The following SVEP1 variants were observed in gnomAD, a reference collection of about 807,000 sequenced individuals.
The protein encoded by SVEP1 is sushi, von Willebrand factor type A, EGF and pentraxin domain-containing protein 1.
A neutral mutation model predicts 367.3 loss-of-function variants in SVEP1; 164 were observed. That is an observed-to-expected ratio of 0.45 (90% CI 0.39 to 0.51). The LOEUF (loss-of-function observed/expected upper bound fraction) is 0.51. Among genes scored for constraint, SVEP1 ranks in the 20% least tolerant of loss-of-function variants. The pLI is 0.00. For synonymous variants in SVEP1, 1,666 were observed against 1,611.6 expected, an observed-to-expected ratio of 1.03 and a Z score of -0.81; for missense variants, 4,117 against 4,425.3, an observed-to-expected ratio of 0.93 and a Z score of 1.98.
intron 1 of SVEP1, among the ~76,000 whole-genome samples, chr9:110,563,245 C>T (rs986553954): frequency 1.3e-4 from 20 of 151,998 alleles, no homozygotes; most frequent in African/African-American, 4.1e-4. Context: ...ATTTTCATTA[C>T]GCAACTTTAA....
At chr9:110,367,535 G>GTTTA (rs1329247881) in intron 47 of SVEP1, among the ~76,000 whole-genome samples, 1 of 152,116 alleles carries the variant, frequency 6.6e-6, no homozygotes, top group Non-Finnish European at 1.5e-5. Context: ...AACATTTATT[G>GTTTA]TTTATTTCTC....
At chr9:110,540,297 C>T (rs1166562490) in intron 3 of SVEP1, among the ~76,000 whole-genome samples, 1 of 151,988 alleles carries the variant, frequency 6.6e-6, no homozygotes, top group African/African-American at 2.4e-5. Context: ...CAATACTGTT[C>T]CCTTAGCTGA....
chr9:110,552,368 G>A (rs1830301018), intron 1 of SVEP1, among the ~76,000 whole-genome samples: 1 of 152,070 alleles, frequency 6.6e-6, no homozygotes, highest in Non-Finnish European at 1.5e-5. Context: ...CAAACTTTTT[G>A]GCACCTGGGA....
chr9:110,403,008 C>T (rs926842025), intron 39 of SVEP1, among the ~76,000 whole-genome samples: 3 of 151,984 alleles, frequency 2.0e-5, no homozygotes, highest in African/African-American at 7.3e-5. Flanking sequence ...TTAATCCTTT[C>T]AATTATCACA....
chr9:110,406,118 T>A lies in SVEP1; in HGVS notation c.9440+42A>T, dbSNP rs41278433. On this transcript the variant is annotated intron_variant, in intron 38 of 47. Transcript: ENST00000374469. The stretch of plus-strand genomic sequence containing the variant: ...TGATCGATCACATTTCATTTCATAA[T>A]CCTGCCCGCACCCCTTGGAGACCCT... 3.5e-3 allele frequency: 5,249 copies of A among 1,511,470 alleles called. 17 individuals are homozygous for A. Among genetic ancestry groups the A allele is most frequent in the Non-Finnish European group, 4.2e-3 (4,712 of 1,131,664 alleles). The allele number at this position is 1,511,470 out of a possible 1,614,324, so 93.6% of individuals were successfully genotyped here.
chr9:110,430,292 G>T lies in SVEP1; in HGVS notation c.5512C>A (p.Leu1838Ile). ...TCLESGEWNH[L>I]IPYCKAVSCG... is the part of the protein sequence containing the mutation. ...AACATACCTTTACAATATGGTATTA[G>T]ATGATTCCATTCTCCAGACTCCAAA... Residue 1838 changes from leucine (L) to isoleucine (I), a missense_variant, in exon 33 of 48, where the codon CTA becomes ATA. This residue lies in a region of SVEP1 where 2,174 missense variants were observed against 2,494.3 expected (regional missense o/e 0.87). Coordinates refer to ENST00000374469, the MANE Select transcript of SVEP1 (RefSeq NM_153366.4). The T allele has an allele frequency of 6.2e-7, 1 of 1,612,700 alleles. No individual in the cohort carries two copies. The highest frequency in any genetic ancestry group is 1.3e-5 in the African/African-American group (1 of 74,998).
At chr9:110,473,712 T>C (rs534614441) in intron 14 of SVEP1, among the ~76,000 whole-genome samples, 28 of 152,292 alleles carry the variant, frequency 1.8e-4, no homozygotes, top group Admixed American at 3.3e-4. Context: ...GGTTAGAAGA[T>C]ACATCCCAAT....
At chr9:110,409,653 T>A (rs911275143) in intron 37 of SVEP1, among the ~76,000 whole-genome samples, 1 of 152,334 alleles carries the variant, frequency 6.6e-6, no homozygotes, top group South Asian at 2.1e-4. Flanking sequence ...TATTTGTTAA[T>A]GTTGTTAGAT....
At position 110,375,378 on chromosome 9, in the gene SVEP1, G is replaced by C. The variant is rs1303242913; in HGVS notation, c.10590C>G (p.Arg3530=). 1.2e-5 allele frequency: 18 copies of C among 1,530,534 alleles called. No homozygotes were observed. The highest frequency in any genetic ancestry group is 1.6e-5 in the Non-Finnish European group (18 of 1,135,316). The allele number at this position is 1,530,534 out of a possible 1,614,324, so 94.8% of individuals were successfully genotyped here. The change falls in exon 46 of 48, where the codon CGC becomes CGG. Residue 3530 remains arginine (R), a synonymous_variant. Coordinates refer to ENST00000374469, the MANE Select transcript of SVEP1 (RefSeq NM_153366.4). ...CDCPPGWTGS[R]CHTAVCQSPC... ...ATGAAAGAGGCCTACCTGTATGACA[G>C]CGAGACCCCGTCCAGCCAGGCGGGC...
intron 3 of SVEP1, among the ~76,000 whole-genome samples, chr9:110,514,383 T>G (rs544452848): frequency 6.6e-6 from 1 of 151,832 alleles, no homozygotes; most frequent in South Asian, 2.1e-4. Flanking sequence ...TGTGGTGGCG[T>G]GTGCCTGTAA....
chr9:110,528,154 G>GTA (rs1265572366), intron 3 of SVEP1, among the ~76,000 whole-genome samples: 262 of 25,678 alleles, frequency 0.01, no homozygotes, highest in Middle Eastern at 0.028. Context: ...GTGTGTGTGT[G>GTA]TGTATATATA....
intron 27 of SVEP1, 98 bp downstream of exon 27, chr9:110,443,447 T>G: frequency 8.9e-7 from 1 of 1,128,940 alleles, no homozygotes; most frequent in Non-Finnish European, 1.2e-6. Context: ...TAATCTTTGT[T>G]TGAAACCAAG....
chr9:110,397,193 A>G (rs558932971), intron 40 of SVEP1, among the ~76,000 whole-genome samples: 13 of 150,610 alleles, frequency 8.6e-5, no homozygotes, highest in East Asian at 7.8e-4. Flanking sequence ...TTCAACATAC[A>G]CAAATCAATA....
At chr9:110,369,812 CA>C in intron 47 of SVEP1, 110 bp downstream of exon 47, 2 of 847,624 alleles carry the variant, frequency 2.4e-6, no homozygotes, top group Non-Finnish European at 3.6e-6. Flanking sequence ...TTTTCACATA[CA>C]AAATACTTAC....
At chr9:110,526,705 T>G (rs939372936) in intron 3 of SVEP1, among the ~76,000 whole-genome samples, 3 of 152,172 alleles carry the variant, frequency 2.0e-5, no homozygotes, top group African/African-American at 7.2e-5. Context: ...TAAAAACTTA[T>G]GTTCACATTA....
In SVEP1 at chr9:110,408,880, A is replaced by G; in HGVS notation, c.6720T>C (p.Ser2240=). The part of the protein sequence containing the change: ...QCNPGYKSVG[S]PVFVCQANRH... ...GATTGGCTTGGCAGACAAATACAGG[A>G]CTTCCGACTGACTTATAGCCCGGGT... is the stretch of plus-strand genomic sequence containing the variant. The change falls in exon 38 of 48, where the codon AGT becomes AGC. Residue 2240 remains serine, a synonymous_variant. Transcript: ENST00000374469. 1.2e-6 allele frequency: 2 copies of G among 1,613,490 alleles called. No individual in the cohort carries two copies. The highest frequency in any genetic ancestry group is 1.1e-5 in the South Asian group (1 of 91,046).
Position 110,513,081 on chromosome 9 carries a change from G to A in SVEP1, c.1148C>T (p.Pro383Leu). 6.2e-7 allele frequency: 1 copy of A among 1,613,766 alleles called. No homozygotes were observed. The highest frequency in any genetic ancestry group is 8.5e-7 in the Non-Finnish European group (1 of 1,179,760). ...CELVHCPALK[P>L]PENGYFIQNT... ...TTGGATAAAGTAACCATTTTCGGGA[G>A]GCTTCAGGGCAGGGCAGTGGACAAC... Residue 383 changes from proline to leucine, a missense_variant, in exon 5 of 48, where the codon CCT (proline) becomes CTT (leucine). Physicochemically the swap from Pro to Leu is moderately conservative, Grantham distance 98 (BLOSUM62 -3). Around this residue, in one of 4 missense-constraint regions of SVEP1, gnomAD observed 2,174 missense variants for 2,494.3 expected, o/e 0.87. Transcript: ENST00000374469.
chr9:110,459,343 G>A (rs541171215), intron 18 of SVEP1, among the ~76,000 whole-genome samples: 13 of 152,150 alleles, frequency 8.5e-5, no homozygotes, highest in African/African-American at 3.1e-4. Context: ...CCATATAATT[G>A]TATTCTGATT....
rs1203657604 is a variant in SVEP1 at position 110,476,310 on chromosome 9, T to C, written c.2493A>G (p.Pro831=). Residue 831 remains proline, a synonymous_variant, in exon 14 of 48, where the codon CCA becomes CCG. Coordinates refer to ENST00000374469, the MANE Select transcript of SVEP1 (RefSeq NM_153366.4). ...TGTCCTCTGCATCACTACAAAATGA[T>C]GGGACCTGCAAGTAAAAAATGAAGA... ...AFETTLGKMV[P]SFCSDAEDID... The C allele has an allele frequency of 6.2e-7, 1 of 1,611,208 alleles. No individual in the cohort carries two copies. The highest frequency in any genetic ancestry group is 1.3e-5 in the African/African-American group (1 of 74,824).
Sources: allele counts gnomAD v4.1 joint callset (sites outside exome capture counted in the v4.1 genomes callset), GRCh38; gene constraint gnomAD v4.1.1; regional missense constraint gnomAD v4.1.1; transcripts MANE v1.5; gene names NCBI Gene and HGNC (gene_info 2026-07-23, HGNC 2026-07-21).